AGBL1: variants seen among roughly 807,000 people sequenced by gnomAD.
AGBL1 encodes cytosolic carboxypeptidase 4.
In AGBL1, 130 loss-of-function variants were observed where a neutral mutation model predicts 118.9. The observed-to-expected ratio is 1.09, with a 90% CI of 0.95 to 1.26. AGBL1 has a LOEUF of 1.26. Among genes scored for constraint, AGBL1 ranks in the 50% most tolerant of loss-of-function variants. AGBL1 has a pLI of 0.00. For missense variants in AGBL1, 1,584 were observed against 1,298.1 expected, an observed-to-expected ratio of 1.22 and a Z score of -3.38; for synonymous variants, 555 against 478.9, an observed-to-expected ratio of 1.16 and a Z score of -2.08.
At chr15:86,129,116 T>C (rs2076786344) in intron 1 of AGBL1, among the ~76,000 whole-genome samples, 2 of 152,226 alleles carry the variant, frequency 1.3e-5, no homozygotes, top group South Asian at 4.1e-4. Context: ...TATGAATTAA[T>C]AGTCATTCAA....
At chr15:86,300,507 T>C (rs1458991694) in intron 17 of AGBL1, among the ~76,000 whole-genome samples, 2 of 152,186 alleles carry the variant, frequency 1.3e-5, no homozygotes, top group Non-Finnish European at 2.9e-5. Flanking sequence ...TCTAAATGAA[T>C]AGTCACAGGC....
intron 18 of AGBL1, among the ~76,000 whole-genome samples, chr15:86,434,114 G>A (rs747250034): frequency 6.6e-6 from 1 of 152,188 alleles, no homozygotes; most frequent in Non-Finnish European, 1.5e-5. Flanking sequence ...AGTCATTTCA[G>A]CTTTCAAAAA....
chr15:86,098,870 G>A (rs1896542910), intron 1 of AGBL1, among the ~76,000 whole-genome samples: 1 of 151,906 alleles, frequency 6.6e-6, no homozygotes, highest in African/African-American at 2.4e-5. Context: ...ATTTTGATGA[G>A]GATTGGATTG....
At chr15:86,087,869 T>C (rs1326876538) in intron 1 of AGBL1, among the ~76,000 whole-genome samples, 2 of 152,176 alleles carry the variant, frequency 1.3e-5, no homozygotes, top group Non-Finnish European at 1.5e-5. Context: ...CAGGTGTAAG[T>C]GTCTGCTGGG....
chr15:86,421,575 T>C (rs1006561524), intron 18 of AGBL1, among the ~76,000 whole-genome samples: 4 of 152,170 alleles, frequency 2.6e-5, no homozygotes, highest in African/African-American at 9.7e-5. Context: ...GCTAGCATCA[T>C]GACAGGATCA....
At chr15:86,977,286 A>G (rs1190153281) in intron 23 of AGBL1, among the ~76,000 whole-genome samples, 1 of 151,852 alleles carries the variant, frequency 6.6e-6, no homozygotes, top group African/African-American at 2.4e-5. Context: ...TGGATTTTGT[A>G]TGCAGTTTTA....
At chr15:86,828,377 A>G (rs1009602271) in intron 22 of AGBL1, among the ~76,000 whole-genome samples, 1 of 152,118 alleles carries the variant, frequency 6.6e-6, no homozygotes, top group Admixed American at 6.6e-5. Context: ...GACTTTGCAA[A>G]TGTGATTAAG....
intron 24 of AGBL1, among the ~76,000 whole-genome samples, chr15:87,006,640 C>T (rs182592208): frequency 4.6e-4 from 70 of 152,270 alleles, no homozygotes; most frequent in Admixed American, 2.0e-3. Flanking sequence ...TTGCACTTCC[C>T]GGGTGAGGCA....
chr15:86,495,246 A>G (rs745325554), intron 18 of AGBL1, among the ~76,000 whole-genome samples: 3 of 151,606 alleles, frequency 2.0e-5, no homozygotes, highest in Non-Finnish European at 4.4e-5. Context: ...ATTTTTATTA[A>G]ATTCTTCTTT....
intron 6 of AGBL1, among the ~76,000 whole-genome samples, chr15:86,227,411 C>G (rs796074114): frequency 7.9e-5 from 12 of 152,392 alleles, no homozygotes; most frequent in African/African-American, 2.9e-4. Context: ...ATCAGGGTTT[C>G]TCAATGTACC....
chr15:86,454,440 C>T (rs2082235770), intron 18 of AGBL1, among the ~76,000 whole-genome samples: 2 of 152,112 alleles, frequency 1.3e-5, no homozygotes, highest in South Asian at 4.1e-4. Flanking sequence ...AAAAACATGT[C>T]CACATGATTG....
intron 22 of AGBL1, among the ~76,000 whole-genome samples, chr15:86,804,761 G>C (rs2078694702): frequency 6.6e-6 from 1 of 152,132 alleles, no homozygotes. Context: ...GGTGGAGTGT[G>C]AGGCCCTGAG....
At chr15:86,319,423 A>G (rs1012520607) in intron 17 of AGBL1, among the ~76,000 whole-genome samples, 1 of 152,026 alleles carries the variant, frequency 6.6e-6, no homozygotes, top group Admixed American at 6.6e-5. Context: ...ACATTTTCTC[A>G]AATATTTCTT....
At position 86,913,337 on chromosome 15, in the gene AGBL1, G is replaced by A. The variant is rs1450015190; in HGVS notation, c.*6043G>A. On this transcript the variant is annotated 3_prime_UTR_variant, in exon 23 of 23. Coordinates refer to ENST00000614907, the MANE Select transcript of AGBL1 (RefSeq NM_001386094.1). ...CTGGTTGATGATTTTAGGCTCTACT[G>A]TCACACAGATGTCAAGATGAAGGCC... is the stretch of plus-strand genomic sequence containing the variant. 6.6e-6 allele frequency: 1 copy of A among 152,150 alleles called. No individual in the cohort carries two copies. The highest frequency in any genetic ancestry group is 1.5e-5 in the Non-Finnish European group (1 of 68,056). 9.4% of individuals were successfully genotyped at this position (152,150 alleles called of 1,614,324 possible).
intron 18 of AGBL1, among the ~76,000 whole-genome samples, chr15:86,440,694 G>A (rs957563858): frequency 9.9e-5 from 15 of 151,970 alleles, no homozygotes; most frequent in Non-Finnish European, 1.0e-4. Context: ...TTTAACCCAA[G>A]GTAGAGTATG....
chr15:86,805,713 A>G (rs1489486449), intron 22 of AGBL1, among the ~76,000 whole-genome samples: 2 of 152,184 alleles, frequency 1.3e-5, no homozygotes, highest in Non-Finnish European at 2.9e-5. Flanking sequence ...ATGTGTAAAA[A>G]GTATTTTTTT....
At chr15:86,206,299 C>G (rs917030295) in intron 5 of AGBL1, among the ~76,000 whole-genome samples, 1 of 152,110 alleles carries the variant, frequency 6.6e-6, no homozygotes, top group Non-Finnish European at 1.5e-5. Context: ...TTCATAGTAG[C>G]ATGATTTATA....
intron 1 of AGBL1, among the ~76,000 whole-genome samples, chr15:86,140,656 C>A (rs1257873023): frequency 2.0e-5 from 3 of 152,068 alleles, no homozygotes; most frequent in Admixed American, 2.0e-4. Flanking sequence ...AGAAGGGACT[C>A]CAGACCCAGC....
intron 17 of AGBL1, among the ~76,000 whole-genome samples, chr15:86,341,434 G>A (rs182721626): frequency 2.0e-5 from 3 of 152,250 alleles, no homozygotes; most frequent in Admixed American, 6.5e-5. Context: ...GAGTTTCTGA[G>A]CTGGTCCACC....
Sources: allele counts gnomAD v4.1 joint callset (sites outside exome capture counted in the v4.1 genomes callset), GRCh38; gene constraint gnomAD v4.1.1; transcripts MANE v1.5; gene names NCBI Gene and HGNC (gene_info 2026-07-23, HGNC 2026-07-21).